The following WIF1 variants were observed in gnomAD, a reference collection of about 807,000 sequenced individuals.
The protein encoded by WIF1 is Wnt inhibitory factor 1.
A neutral mutation model predicts 53.5 loss-of-function variants in WIF1; 35 were observed. The ratio of observed to expected loss-of-function variants is 0.65; its 90% CI spans 0.50 to 0.87. WIF1 has a LOEUF of 0.87. Ranked by LOEUF, WIF1 falls within the 40% of genes least tolerant of loss-of-function variation. The probability of loss-of-function intolerance (pLI) is 0.00; values close to 1 mark genes in which losing one functional copy is unlikely to be tolerated. For missense variants in WIF1, 467 were observed against 476.8 expected (o/e 0.98, Z 0.19); for synonymous variants, 171 against 170.4 (o/e 1.00, Z -0.03).
At chr12:65,118,874 G>C (rs1883552753) in intron 2 of WIF1, among the ~76,000 whole-genome samples, 1 of 121,820 alleles carries the variant, frequency 8.2e-6, no homozygotes, top group African/African-American at 4.0e-5. Context: ...GGGAGGGAGA[G>C]GGGGAGAGAG....
chr12:65,077,273 C>T (rs530955226), intron 3 of WIF1, among the ~76,000 whole-genome samples: 136 of 152,258 alleles, frequency 8.9e-4, no homozygotes, highest in African/African-American at 2.6e-3. Context: ...AGACTAGAAA[C>T]GTTGAACCCC....
chr12:65,072,625 C>T (rs980558732), intron 3 of WIF1, among the ~76,000 whole-genome samples: 3 of 152,132 alleles, frequency 2.0e-5, no homozygotes, highest in African/African-American at 7.2e-5. Context: ...CATACCTGCA[C>T]ATATACACAG....
rs979842703 is a variant in WIF1, at chr12:65,059,731, A to C, written c.826+2750T>G. Among the ~76,000 whole-genome samples, 52 of 152,020 alleles carry C rather than the reference A, an allele frequency of 3.4e-4. 1 individual carries two copies. Among genetic ancestry groups the C allele is most frequent in the Admixed American group, 2.3e-3 (35 of 15,272 alleles). Reference sequence around the variant, plus strand: ...CAGTGGCTCAACCTTGGCTCACTGCAACCTGTGTCTCCAGGGTTCAAGCAA... The same window carrying C: ...CAGTGGCTCAACCTTGGCTCACTGCCACCTGTGTCTCCAGGGTTCAAGCAA... On this transcript the variant is annotated intron_variant, in intron 7 of 9. Coordinates refer to ENST00000286574, the MANE Select transcript of WIF1 (RefSeq NM_007191.5).
chr12:65,077,867 G>A lies in WIF1; in HGVS notation c.289-13C>T, dbSNP rs1882888795. 2 of 1,598,812 alleles carry A rather than the reference G, an allele frequency of 1.3e-6. No homozygotes were observed. The highest frequency in any genetic ancestry group is 1.7e-6 in the Non-Finnish European group (2 of 1,167,240). On this transcript the variant is annotated splice_polypyrimidine_tract_variant and intron_variant, in intron 2 of 9. Transcript: ENST00000286574. ...AGAAGTATTCTGCCTACAACCAAAG[G>A]CACTGACAGTTAGTAACATGGAAAC...
chr12:65,067,792 T>C lies in WIF1; in HGVS notation c.539-2A>G. 6.2e-7 allele frequency: 1 copy of C among 1,612,898 alleles called. No individual in the cohort carries two copies. The highest frequency in any genetic ancestry group is 8.5e-7 in the Non-Finnish European group (1 of 1,179,220). On this transcript the variant is annotated splice_acceptor_variant, in intron 4 of 9. Transcript: ENST00000286574. LOFTEE classifies it high-confidence loss of function. ...TTCGGCACCCGCCTGGGCACTCAGC[T>C]TCAGCAGAGAGAAACAAAGCTTATA...
At chr12:65,066,948 G>A (rs1481120574) in intron 5 of WIF1, among the ~76,000 whole-genome samples, 1 of 146,012 alleles carries the variant, frequency 6.8e-6, no homozygotes, top group African/African-American at 2.8e-5. Flanking sequence ...TCTTAGAGAT[G>A]ACTTTTGGAT....
chr12:65,092,866 C>T (rs1236361654), intron 2 of WIF1, among the ~76,000 whole-genome samples: 1 of 151,966 alleles, frequency 6.6e-6, no homozygotes, highest in Non-Finnish European at 1.5e-5. Context: ...TTTAAACATC[C>T]TCTGGGGCCA....
intron 6 of WIF1, among the ~76,000 whole-genome samples, chr12:65,065,588 C>T (rs1268905774): frequency 6.6e-6 from 1 of 151,998 alleles, no homozygotes; most frequent in Non-Finnish European, 1.5e-5. Flanking sequence ...ACAACAACAA[C>T]AACAAAAAAC....
chr12:65,092,636 G>A (rs1459323198), intron 2 of WIF1, among the ~76,000 whole-genome samples: 1 of 151,894 alleles, frequency 6.6e-6, no homozygotes, highest in Non-Finnish European at 1.5e-5. Flanking sequence ...GATATCTGGG[G>A]GAAGAGCAGA....
At chr12:65,074,879 A>G (rs1882837482) in intron 3 of WIF1, among the ~76,000 whole-genome samples, 1 of 151,616 alleles carries the variant, frequency 6.6e-6, no homozygotes, top group Admixed American at 6.6e-5. Flanking sequence ...AAAGAACACT[A>G]TGTGACAGGG....
chr12:65,053,433 CT>C (rs1192719097), intron 9 of WIF1, among the ~76,000 whole-genome samples: 1 of 152,144 alleles, frequency 6.6e-6, no homozygotes, highest in African/African-American at 2.4e-5. Context: ...GCTGGTTCCC[CT>C]ATGCTGTTCT....
At chr12:65,066,294 A>C (rs3782497) in intron 6 of WIF1, among the ~76,000 whole-genome samples, 11,785 of 152,100 alleles carry the variant, frequency 0.077, 836 homozygotes, top group East Asian at 0.36. Context: ...ATTTATTTTT[A>C]GCAGTGCTTA....
In WIF1 at chr12:65,051,198, A is replaced by G. The variant is rs924484488; in HGVS notation, c.*151T>C. 52 of 986,716 alleles carry G rather than the reference A, an allele frequency of 5.3e-5. No individual in the cohort carries two copies. The highest frequency in any genetic ancestry group is 6.9e-4 in the Middle Eastern group (2 of 2,878). The allele number at this position is 986,716 out of a possible 1,614,324, so 61.1% of individuals were successfully genotyped here. On this transcript the variant is annotated 3_prime_UTR_variant, in exon 10 of 10. Transcript: ENST00000286574. ...CGTACTTAGAAAACTTAAAAGGAAG[A>G]GTAAATATCAGCTCAGTGATTTATA...
chr12:65,121,292 G>T lies in WIF1; in HGVS notation c.-101C>A. ...GCTGCGCTGCAGCTCCCTCAGCCAG[G>T]GCTGTTCCCGTTTAGACGGCTGGGC... On this transcript the variant is annotated 5_prime_UTR_variant, in exon 1 of 10. Coordinates refer to ENST00000286574, the MANE Select transcript of WIF1 (RefSeq NM_007191.5). 1 of 1,296,632 alleles carries T rather than the reference G, an allele frequency of 7.7e-7. No homozygotes were observed. Among genetic ancestry groups the T allele is most frequent in the Non-Finnish European group, 9.8e-7 (1 of 1,018,898 alleles). 80.3% of individuals were successfully genotyped at this position (1,296,632 alleles called of 1,614,324 possible).
rs765552672 is a variant in WIF1, at chr12:65,066,639, A to C, written c.730+2T>G. 2.5e-6 allele frequency: 4 copies of C among 1,593,556 alleles called. No individual in the cohort carries two copies. The African/African-American group carries it at 4.1e-5, about 16-fold the overall frequency. ...ACTTTCTTCTTAAAAAGAAACTGTTACCTTTGTCACAGTTCACTCCATAGA... is the reference window on the plus strand; with the variant it reads ...ACTTTCTTCTTAAAAAGAAACTGTTCCCTTTGTCACAGTTCACTCCATAGA... On this transcript the variant is annotated splice_donor_variant, in intron 6 of 9. Coordinates refer to ENST00000286574, the MANE Select transcript of WIF1 (RefSeq NM_007191.5). LOFTEE classifies it high-confidence loss of function.
chr12:65,075,582 C>G (rs756512306), intron 3 of WIF1, among the ~76,000 whole-genome samples: 8 of 152,118 alleles, frequency 5.3e-5, no homozygotes, highest in Non-Finnish European at 1.2e-4. Context: ...TTCAACTTCT[C>G]ATGTAAGAAA....
intron 8 of WIF1, 115 bp from the exon 9 acceptor site, chr12:65,055,328 A>G (rs974910226): frequency 4.3e-6 from 5 of 1,174,144 alleles, no homozygotes; most frequent in Non-Finnish European, 5.8e-6. Context: ...TCATCCTCTA[A>G]TTTTTTTTCC....
intron 2 of WIF1, among the ~76,000 whole-genome samples, chr12:65,081,042 G>T (rs1050200896): frequency 6.6e-6 from 1 of 151,832 alleles, no homozygotes; most frequent in Non-Finnish European, 1.5e-5. Flanking sequence ...AGAATTGATG[G>T]TGATTTTTTT....
intron 2 of WIF1, among the ~76,000 whole-genome samples, chr12:65,092,377 C>A (rs1462777060): frequency 6.6e-6 from 1 of 151,356 alleles, no homozygotes; most frequent in East Asian, 1.9e-4. Flanking sequence ...CATGTGTATA[C>A]CTATGTAACA....
Sources: gnomAD v4.1 joint callset for allele counts (sites outside exome capture counted in the v4.1 genomes callset) on GRCh38, gnomAD v4.1.1 for gene constraint, MANE v1.5 for transcripts, NCBI Gene and HGNC (gene_info 2026-07-23, HGNC 2026-07-21) for gene names.